MAP3K4: variants seen among roughly 807,000 people sequenced by gnomAD.
The protein encoded by MAP3K4 is mitogen-activated protein kinase kinase kinase 4.
MAP3K4 carries 67 observed loss-of-function variants against 185.6 expected under a neutral mutation model. That is an observed-to-expected ratio of 0.36 (90% CI 0.30 to 0.44). The LOEUF (loss-of-function observed/expected upper bound fraction) is 0.44. MAP3K4 is among the 20% of genes least tolerant of loss of function. The pLI, the probability that MAP3K4 is intolerant of heterozygous loss-of-function variation, is 1.00. For missense variants in MAP3K4, 1,551 were observed against 1,995.1 expected, an observed-to-expected ratio of 0.78 and a Z score of 4.24; for synonymous variants, 702 against 710.4, an observed-to-expected ratio of 0.99 and a Z score of 0.19.
In MAP3K4 at chr6:161,103,194, A is replaced by G. The variant is rs1394503152; in HGVS notation, c.3856+415A>G. Among the ~76,000 whole-genome samples, 3 of 152,240 alleles carry G rather than the reference A, an allele frequency of 2.0e-5. No homozygotes were observed. The highest frequency in any genetic ancestry group is 6.5e-5 in the Admixed American group (1 of 15,284). ...TCATTGGTCTAGTATTTAATGATCT[A>G]TAAAATGCTTTCATGTCTTTTTTTG... On this transcript the variant is annotated intron_variant, in intron 19 of 26. Coordinates refer to ENST00000392142, the MANE Select transcript of MAP3K4 (RefSeq NM_005922.4). The surrounding 1 kb of genome is among the most constrained non-coding windows in gnomAD (Gnocchi z 4.6).
rs1781258159 is a variant in MAP3K4 at position 161,000,944 on chromosome 6, C to T, written c.152+8861C>T. Among the ~76,000 whole-genome samples, 3 of 146,078 alleles carry T rather than the reference C, an allele frequency of 2.1e-5. No individual in the cohort carries two copies. In the South Asian group the frequency reaches 6.4e-4, roughly 31 times the overall value. On this transcript the variant is annotated intron_variant, in intron 1 of 26. Transcript: ENST00000392142. ...TGTATAATATGCATATATATGCACA[C>T]ATAGTGCATATTATATATAATATAC...
intron 2 of MAP3K4, among the ~76,000 whole-genome samples, chr6:161,046,913 T>C (rs1399929346): frequency 6.8e-6 from 1 of 147,990 alleles, no homozygotes; most frequent in African/African-American, 2.5e-5. Context: ...ACTAAGAAAA[T>C]TATATAATAA....
In MAP3K4 at chr6:161,077,530, T is replaced by TG. The variant is rs368434998; in HGVS notation, c.2098-3346dup. Among the ~76,000 whole-genome samples the TG allele has an allele frequency of 3.6e-3, 544 of 152,202 alleles. 1 individual carries two copies. The highest frequency in any genetic ancestry group is 5.9e-3 in the Non-Finnish European group (402 of 67,994). On this transcript the variant is annotated intron_variant, in intron 5 of 26. Coordinates refer to ENST00000392142, the MANE Select transcript of MAP3K4 (RefSeq NM_005922.4). The surrounding 1 kb of genome is among the most constrained non-coding windows in gnomAD (Gnocchi z 4.3). ...AGAGCAAGGCACCGCAGGCAGCCTG[T>TG]GGGGGCTCCAGCTGCAGGTGGAGAG...
chr6:161,048,644 A>T lies in MAP3K4; in HGVS notation c.372A>T (p.Pro124=). The T allele has an allele frequency of 1.2e-6, 2 of 1,602,260 alleles. No individual in the cohort carries two copies. The change falls in exon 3 of 27, where the codon CCA becomes CCT. Residue 124 remains proline (P), a synonymous_variant. Transcript: ENST00000392142. This position sits in a 1 kb window ranked among gnomAD's most constrained non-coding sequence, Gnocchi z 4.7. ...KEKMNAPNQP[P]HKDTGKTVEN... is the part of the protein sequence containing the mutation. ...AAATGAATGCACCAAATCAGCCTCCACATAAAGACACTGGAAAAACAGTGG... is the reference window on the plus strand; with the variant it reads ...AAATGAATGCACCAAATCAGCCTCCTCATAAAGACACTGGAAAAACAGTGG...
intron 1 of MAP3K4, among the ~76,000 whole-genome samples, chr6:161,025,866 C>T (rs1782625233): frequency 6.6e-6 from 1 of 152,002 alleles, no homozygotes; most frequent in African/African-American, 2.4e-5. Context: ...GTTTTTCCTC[C>T]CAGCTTTGAC....
At position 161,067,159 on chromosome 6, in the gene MAP3K4, C is replaced by T. The variant is rs111253163; in HGVS notation, c.1708-3449C>T. On this transcript the variant is annotated intron_variant, in intron 3 of 26. Coordinates refer to ENST00000392142, the MANE Select transcript of MAP3K4 (RefSeq NM_005922.4). This position sits in a 1 kb window ranked among gnomAD's most constrained non-coding sequence, Gnocchi z 6.3. ...CTCAGGACGTCCTGACTATGTGTGC[C>T]CAAGGTGGTCAGGGCACAGCTTGGT... is the stretch of plus-strand genomic sequence containing the variant. 1.7e-5 allele frequency: 5 copies of T among 299,220 alleles called. No homozygotes were observed. Among genetic ancestry groups the T allele is most frequent in the African/African-American group, 6.6e-5 (3 of 45,426 alleles). 18.5% of individuals were successfully genotyped at this position (299,220 alleles called of 1,614,324 possible).
At chr6:161,092,165 T>C (rs1449253325) in intron 13 of MAP3K4, 22 bp downstream of exon 13, 5 of 1,613,200 alleles carry the variant, frequency 3.1e-6, no homozygotes, top group Non-Finnish European at 4.2e-6. Context: ...GTAGGATGTT[T>C]CTGAAATGTG....
At chr6:161,010,101 G>C (rs1287743131) in intron 1 of MAP3K4, among the ~76,000 whole-genome samples, 1 of 152,158 alleles carries the variant, frequency 6.6e-6, no homozygotes, top group Non-Finnish European at 1.5e-5. Context: ...ATGTCACTCA[G>C]CTATTTACAT....
intron 1 of MAP3K4, among the ~76,000 whole-genome samples, chr6:161,011,012 G>A (rs952114846): frequency 6.6e-6 from 1 of 152,170 alleles, no homozygotes; most frequent in African/African-American, 2.4e-5. Flanking sequence ...TCATTGGTGT[G>A]TAATTCTTGA....
In MAP3K4 at chr6:161,097,371, T is replaced by C. The variant is rs568666170; in HGVS notation, c.3524+195T>C. 8.1e-4 allele frequency among the ~76,000 whole-genome samples: 124 copies of C among 152,362 alleles called. No homozygotes were observed. Among genetic ancestry groups the C allele is most frequent in the African/African-American group, 2.8e-3 (116 of 41,598 alleles). Reference sequence around the variant, plus strand: ...AAGACATGCAAATTTAAAACAGACCTGTGCCTTTCAAGATAACTTCGTTTC... The same window carrying C: ...AAGACATGCAAATTTAAAACAGACCCGTGCCTTTCAAGATAACTTCGTTTC... On this transcript the variant is annotated intron_variant, in intron 16 of 26. Transcript: ENST00000392142. This position sits in a 1 kb window ranked among gnomAD's most constrained non-coding sequence, Gnocchi z 4.9.
chr6:161,072,920 A>T, intron 4 of MAP3K4, among the ~76,000 whole-genome samples: 1 of 151,638 alleles, frequency 6.6e-6, no homozygotes, highest in Admixed American at 6.6e-5. Flanking sequence ...GTTGATTTTT[A>T]TCTAATTCCA....
rs757819165 is a variant in MAP3K4 at position 161,087,905 on chromosome 6, T to C, written c.2774T>C (p.Val925Ala). Residue 925 changes from valine to alanine, a missense_variant, in exon 10 of 27, where the codon GTC (valine) becomes GCC (alanine). Physicochemically the swap from Val to Ala is moderately conservative, Grantham distance 64 (BLOSUM62 0). This residue lies in a region of MAP3K4 where 261 missense variants were observed against 306.5 expected (regional missense o/e 0.85). Transcript: ENST00000392142. This position sits in a 1 kb window ranked among gnomAD's most constrained non-coding sequence, Gnocchi z 4.9. ...TGGGGCACCTGGGAGGCACAGCCTG[T>C]CAAAGTCGTGCCTCAGGTGGAGACT... is the stretch of plus-strand genomic sequence containing the variant. ...DSWGTWEAQP[V>A]KVVPQVETVD... The C allele has an allele frequency of 6.2e-7, 1 of 1,614,068 alleles. No individual in the cohort carries two copies. The highest frequency in any genetic ancestry group is 1.3e-5 in the African/African-American group (1 of 75,028).
At chr6:161,041,928 T>TG (rs1468570336) in intron 2 of MAP3K4, among the ~76,000 whole-genome samples, 62 of 134,828 alleles carry the variant, frequency 4.6e-4, no homozygotes, top group Middle Eastern at 3.6e-3. Context: ...TTTTTTTTCT[T>TG]TTTTTTTTTT....
chr6:161,043,591 C>A lies in MAP3K4; in HGVS notation c.344-5025C>A, dbSNP rs6918476. 1.3e-5 allele frequency among the ~76,000 whole-genome samples: 2 copies of A among 151,678 alleles called. No individual in the cohort carries two copies. The highest frequency in any genetic ancestry group is 2.9e-5 in the Non-Finnish European group (2 of 67,896). ...GATAATCTTCATCATCATGTTGTTA[C>A]GAAAATTATGACAATGTCTGTGAAG... On this transcript the variant is annotated intron_variant, in intron 2 of 26. Transcript: ENST00000392142. The surrounding 1 kb of genome is among the most constrained non-coding windows in gnomAD (Gnocchi z 4.3).
At position 161,087,808 on chromosome 6, in the gene MAP3K4, G is replaced by T. The variant is rs150922006; in HGVS notation, c.2677G>T (p.Asp893Tyr). The part of the protein sequence containing the change: ...AAGKDCSKDS[D>Y]DVLIDAYLLL... ...AGGAAAGGACTGTTCAAAAGATTCAGATGACGTACTCATCGATGCCTATCT... is the reference window on the plus strand; with the variant it reads ...AGGAAAGGACTGTTCAAAAGATTCATATGACGTACTCATCGATGCCTATCT... Residue 893 changes from aspartate to tyrosine, a missense_variant, in exon 10 of 27, where the codon GAT (aspartate) becomes TAT (tyrosine). Transcript: ENST00000392142. The surrounding 1 kb of genome is among the most constrained non-coding windows in gnomAD (Gnocchi z 4.9). The T allele has an allele frequency of 6.8e-6, 11 of 1,614,186 alleles. No homozygotes were observed. In the African/African-American group the frequency reaches 8.0e-5, roughly 12 times the overall value.
At chr6:161,060,532 C>T (rs546154382) in intron 3 of MAP3K4, among the ~76,000 whole-genome samples, 7 of 152,076 alleles carry the variant, frequency 4.6e-5, no homozygotes, top group Non-Finnish European at 1.0e-4. Context: ...TGATAGCTTC[C>T]ATGTTATTTA....
chr6:161,001,771 C>T (rs1349627842), intron 1 of MAP3K4, among the ~76,000 whole-genome samples: 1 of 152,136 alleles, frequency 6.6e-6, no homozygotes, highest in African/African-American at 2.4e-5. Context: ...CAGTCTGTTT[C>T]CGCATTTGAA....
intron 2 of MAP3K4, among the ~76,000 whole-genome samples, chr6:161,046,935 AATT>A (rs983087131): frequency 6.8e-6 from 1 of 147,668 alleles, no homozygotes; most frequent in Non-Finnish European, 1.5e-5. Flanking sequence ...TTCTTAGTAT[AATT>A]ATTATATTAA....
At chr6:161,012,593 A>T (rs1475895232) in intron 1 of MAP3K4, among the ~76,000 whole-genome samples, 1 of 152,210 alleles carries the variant, frequency 6.6e-6, no homozygotes, top group Non-Finnish European at 1.5e-5. Flanking sequence ...TAAAATACAT[A>T]TGCATTTTCA....
Sources: gnomAD v4.1 joint callset for allele counts (sites outside exome capture counted in the v4.1 genomes callset) on GRCh38, gnomAD v4.1.1 for gene constraint, gnomAD v4.1.1 regional missense constraint, Gnocchi (gnomAD v3.1) non-coding constraint, MANE v1.5 for transcripts, NCBI Gene and HGNC (gene_info 2026-07-23, HGNC 2026-07-21) for gene names.